The following CSMD1 variants were observed in gnomAD, a reference collection of about 807,000 sequenced individuals.
CSMD1 encodes the protein CUB and Sushi multiple domains 1.
A neutral mutation model predicts 417.5 loss-of-function variants in CSMD1; 213 were observed. That is an observed-to-expected ratio of 0.51 (90% CI 0.46 to 0.57). CSMD1 has a LOEUF of 0.57. Among genes scored for constraint, CSMD1 ranks in the 20% least tolerant of loss-of-function variants. The probability of loss-of-function intolerance (pLI) is 0.00; values close to 1 mark genes in which losing one functional copy is unlikely to be tolerated. For synonymous variants in CSMD1, 2,862 were observed against 1,736.8 expected (o/e 1.65, Z -16.11); for missense variants, 6,923 against 4,529.7 (o/e 1.53, Z -15.17).
chr8:3,301,575 G>C (rs1804410033), intron 25 of CSMD1, among the ~76,000 whole-genome samples: 1 of 152,184 alleles, frequency 6.6e-6, no homozygotes, highest in Admixed American at 6.5e-5. Flanking sequence ...GTGAGTCAAT[G>C]AGGAGAAACT....
rs17063204 is a variant in CSMD1, at chr8:4,040,617, C to A, written c.416-8518G>T. Among the ~76,000 whole-genome samples, 1,107 of 152,194 alleles carry A rather than the reference C, an allele frequency of 7.3e-3. 17 individuals are homozygous for A. Among genetic ancestry groups the A allele is most frequent in the African/African-American group, 0.025 (1,035 of 41,544 alleles). On this transcript the variant is annotated intron_variant, in intron 3 of 69. Transcript: ENST00000635120. ...TGCATATATGGATTGGGGAGACTTA[C>A]GATGTTTTCTTAGGTAGAATGGAGG...
intron 3 of CSMD1, among the ~76,000 whole-genome samples, chr8:4,181,720 T>C (rs1044418705): frequency 2.2e-5 from 3 of 138,864 alleles, no homozygotes; most frequent in East Asian, 2.2e-4. Context: ...CCCTCAGAAA[T>C]TCTAAACATA....
chr8:3,618,524 T>G (rs556177807), intron 7 of CSMD1, among the ~76,000 whole-genome samples: 1 of 152,270 alleles, frequency 6.6e-6, no homozygotes, highest in South Asian at 2.1e-4. Context: ...GACAATTATA[T>G]TGAATTCCAA....
intron 3 of CSMD1, among the ~76,000 whole-genome samples, chr8:4,050,377 C>A (rs534376736): frequency 2.6e-4 from 39 of 152,224 alleles, no homozygotes; most frequent in African/African-American, 9.1e-4. Flanking sequence ...AGAGAATCTA[C>A]AAACTTTTTT....
intron 3 of CSMD1, among the ~76,000 whole-genome samples, chr8:4,095,314 T>A (rs778025586): frequency 1.3e-5 from 2 of 152,176 alleles, no homozygotes; most frequent in Non-Finnish European, 2.9e-5. Flanking sequence ...TATTACCTGA[T>A]ATAACATTTG....
At chr8:4,723,649 A>G (rs113569404) in intron 1 of CSMD1, among the ~76,000 whole-genome samples, 2 of 152,106 alleles carry the variant, frequency 1.3e-5, no homozygotes, top group South Asian at 2.1e-4. Flanking sequence ...ATGACCTTAC[A>G]TATGTATCTT....
chr8:3,926,348 T>C (rs758970938), intron 5 of CSMD1, among the ~76,000 whole-genome samples: 21 of 152,140 alleles, frequency 1.4e-4, no homozygotes, highest in Admixed American at 4.6e-4. Context: ...TTTTATCTTA[T>C]CTTATTTTAT....
At chr8:3,814,431 G>C (rs986859683) in intron 5 of CSMD1, among the ~76,000 whole-genome samples, 3 of 152,176 alleles carry the variant, frequency 2.0e-5, no homozygotes, top group Admixed American at 6.5e-5. Flanking sequence ...GTCATCTCTA[G>C]AGCATGACAG....
At chr8:3,881,618 AAAAACAAAAACAAAAAC>A (rs1202320021) in intron 5 of CSMD1, among the ~76,000 whole-genome samples, 2 of 139,132 alleles carry the variant, frequency 1.4e-5, no homozygotes, top group African/African-American at 6.0e-5. Flanking sequence ...CAAAAAAAAA[AAAAACAAAAACAAAAAC>A]AAACAAACAA....
In CSMD1 at chr8:3,995,496, T is replaced by C. The variant is rs2627503; in HGVS notation, c.818+2407A>G. ...TAGTCCTGAAACAGAGAAACTCTAC[T>C]TCTCTGACAGGGCATTGAAGCTCAG... On this transcript the variant is annotated intron_variant, in intron 5 of 69. Transcript: ENST00000635120. Among the ~76,000 whole-genome samples, 427 of 152,310 alleles carry C rather than the reference T, an allele frequency of 2.8e-3. 3 individuals carry two copies. The highest frequency in any genetic ancestry group is 0.01 in the African/African-American group (420 of 41,574).
At chr8:4,921,268 G>C (rs77688368) in intron 1 of CSMD1, among the ~76,000 whole-genome samples, 5,419 of 152,190 alleles carry the variant, frequency 0.036, 122 homozygotes, top group South Asian at 0.054. Context: ...TTTATTGTCA[G>C]CCAATCTGAG....
chr8:4,075,466 C>G (rs1253986371), intron 3 of CSMD1, among the ~76,000 whole-genome samples: 2 of 152,042 alleles, frequency 1.3e-5, no homozygotes, highest in South Asian at 2.1e-4. Context: ...CTGTCCAAAT[C>G]TCTTGTTACA....
chr8:3,817,859 C>T (rs1801477560), intron 5 of CSMD1, among the ~76,000 whole-genome samples: 1 of 152,090 alleles, frequency 6.6e-6, no homozygotes, highest in South Asian at 2.1e-4. Flanking sequence ...CAGAGCATAC[C>T]CTTCACGGCT....
At chr8:4,039,045 G>C (rs145673687) in intron 3 of CSMD1, among the ~76,000 whole-genome samples, 2 of 113,000 alleles carry the variant, frequency 1.8e-5, no homozygotes, top group Non-Finnish European at 3.5e-5. Context: ...AAAAGTGAAA[G>C]CATGATACTA....
chr8:3,724,375 T>A (rs1802369795), intron 6 of CSMD1, among the ~76,000 whole-genome samples: 1 of 152,186 alleles, frequency 6.6e-6, no homozygotes, highest in Non-Finnish European at 1.5e-5. Context: ...CTTATTTTCA[T>A]AAATATATAT....
rs115597285 is a variant in CSMD1 at position 4,526,024 on chromosome 8, G to C, written c.303-105959C>G. On this transcript the variant is annotated intron_variant, in intron 2 of 69. Coordinates refer to ENST00000635120, the MANE Select transcript of CSMD1 (RefSeq NM_033225.6). ...GGGAGCTCTGTTTCAGCTCTAGAAG[G>C]AGTGGAGCGGGTGATGAATTATCTT... Among the ~76,000 whole-genome samples the C allele has an allele frequency of 7.3e-3, 1,115 of 152,266 alleles. 18 individuals are homozygous for C. The highest frequency in any genetic ancestry group is 0.026 in the African/African-American group (1,065 of 41,548).
intron 2 of CSMD1, among the ~76,000 whole-genome samples, chr8:4,597,319 C>T (rs1301524966): frequency 1.3e-5 from 2 of 151,948 alleles, no homozygotes; most frequent in African/African-American, 4.8e-5. Flanking sequence ...CTTAAAATAA[C>T]CCTTTCAAAT....
At chr8:4,687,252 T>C (rs995609059) in intron 1 of CSMD1, among the ~76,000 whole-genome samples, 1 of 152,190 alleles carries the variant, frequency 6.6e-6, no homozygotes, top group African/African-American at 2.4e-5. Context: ...CACAGGATGC[T>C]GGCACTATCA....
intron 2 of CSMD1, among the ~76,000 whole-genome samples, chr8:4,478,014 A>T (rs900500449): frequency 6.6e-6 from 1 of 152,174 alleles, no homozygotes; most frequent in Non-Finnish European, 1.5e-5. Context: ...GAACTCAGTG[A>T]ATTCTACTAC....
Sources: allele counts gnomAD v4.1 joint callset (sites outside exome capture counted in the v4.1 genomes callset), GRCh38; gene constraint gnomAD v4.1.1; transcripts MANE v1.5; gene names NCBI Gene and HGNC (gene_info 2026-07-23, HGNC 2026-07-21).